Variants in KIF26B observed in about 807,000 individuals in gnomAD.
KIF26B encodes the protein kinesin-like protein KIF26B.
In KIF26B, 63 loss-of-function variants were observed where a neutral mutation model predicts 151.2. The observed-to-expected ratio is 0.42, with a 90% confidence interval of 0.34 to 0.51. The LOEUF (loss-of-function observed/expected upper bound fraction) is 0.51. KIF26B is among the 20% of genes least tolerant of loss of function. The pLI is 0.07. For synonymous variants in KIF26B, 1,357 were observed against 1,262.1 expected, an observed-to-expected ratio of 1.08 and a Z score of -1.59; for missense variants, 2,813 against 2,913.6, an observed-to-expected ratio of 0.97 and a Z score of 0.79.
chr1:245,671,737 G>A (rs974290685), intron 10 of KIF26B, among the ~76,000 whole-genome samples: 1 of 152,206 alleles, frequency 6.6e-6, no homozygotes, highest in African/African-American at 2.4e-5. Context: ...TTTTCTGAAT[G>A]ACAAGGATTA....
chr1:245,192,353 A>C (rs1669125228), intron 2 of KIF26B, among the ~76,000 whole-genome samples: 1 of 152,168 alleles, frequency 6.6e-6, no homozygotes, highest in South Asian at 2.1e-4. Context: ...ACAGGAAAGA[A>C]AAAAAAGGAT....
At chr1:245,303,635 C>G (rs1671484937) in intron 2 of KIF26B, among the ~76,000 whole-genome samples, 1 of 152,168 alleles carries the variant, frequency 6.6e-6, no homozygotes, top group Non-Finnish European at 1.5e-5. Context: ...GCCTGCACAC[C>G]GTAAGACTAT....
chr1:245,619,475 A>G (rs10924257), intron 9 of KIF26B, among the ~76,000 whole-genome samples: 36,737 of 152,074 alleles, frequency 0.24, 5,132 homozygotes, highest in East Asian at 0.45. Flanking sequence ...GCAGGTGCCT[A>G]TAATCCCAGC....
chr1:245,482,938 A>G (rs918603028), intron 4 of KIF26B, among the ~76,000 whole-genome samples: 13 of 151,856 alleles, frequency 8.6e-5, no homozygotes, highest in Admixed American at 8.5e-4. Context: ...CGGCAATACC[A>G]CATTTCATCA....
chr1:245,211,639 C>T (rs1299120927), intron 2 of KIF26B, among the ~76,000 whole-genome samples: 2 of 152,318 alleles, frequency 1.3e-5, no homozygotes, highest in East Asian at 3.9e-4. Context: ...CTCAAGTGAT[C>T]CTCCTGCCTC....
intron 4 of KIF26B, among the ~76,000 whole-genome samples, chr1:245,522,092 A>G (rs1162499782): frequency 1.3e-5 from 2 of 152,040 alleles, no homozygotes; most frequent in African/African-American, 4.8e-5. Context: ...GATGGTCTCG[A>G]TCTCCTGACC....
rs2044572943 is a variant in KIF26B, at chr1:245,688,550, C to T, written c.5567C>T (p.Pro1856Leu). 6.5e-7 allele frequency: 1 copy of T among 1,544,328 alleles called. No individual in the cohort carries two copies. The highest frequency in any genetic ancestry group is 8.7e-7 in the Non-Finnish European group (1 of 1,147,488). ...LLPSPYSKITPPRRPHRCSSG... is the reference protein window; with the variant it reads ...LLPSPYSKITLPRRPHRCSSG... Reference sequence around the variant, plus strand: ...CCGTCGCCCTACAGCAAGATCACGCCCCCGCGGAGGCCCCACCGCTGCAGC... The same window carrying T: ...CCGTCGCCCTACAGCAAGATCACGCTCCCGCGGAGGCCCCACCGCTGCAGC... Residue 1856 changes from proline (P) to leucine (L), a missense_variant, in exon 12 of 15, where the codon CCC becomes CTC. This residue lies in a region of KIF26B where 2,060 missense variants were observed against 2,088.6 expected (regional missense o/e 0.99). Coordinates refer to ENST00000407071, the MANE Select transcript of KIF26B (RefSeq NM_018012.4).
At chr1:245,551,281 G>A (rs913953082) in intron 5 of KIF26B, among the ~76,000 whole-genome samples, 15 of 152,100 alleles carry the variant, frequency 9.9e-5, no homozygotes, top group African/African-American at 3.1e-4. Flanking sequence ...GGGCTCAAGC[G>A]ATCCACCCGC....
At chr1:245,441,432 A>C (rs1317993945) in intron 4 of KIF26B, among the ~76,000 whole-genome samples, 1 of 152,172 alleles carries the variant, frequency 6.6e-6, no homozygotes, top group African/African-American at 2.4e-5. Flanking sequence ...ACTACAAAAA[A>C]GAGTCTCTTC....
Position 245,674,161 on chromosome 1 carries a change from C to T in KIF26B, c.2259-10072C>T, listed in dbSNP as rs540353859. Among the ~76,000 whole-genome samples, 23 of 152,312 alleles carry T rather than the reference C, an allele frequency of 1.5e-4. No individual in the cohort carries two copies. In the South Asian group the frequency reaches 4.8e-3, roughly 32 times the overall value. On this transcript the variant is annotated intron_variant, in intron 10 of 14. Coordinates refer to ENST00000407071, the MANE Select transcript of KIF26B (RefSeq NM_018012.4). ...GTGTAATGGTTATAATGCAACATAA[C>T]TGAGATGTTTCCTTATCCCCCCCAC... is the stretch of plus-strand genomic sequence containing the variant.
intron 2 of KIF26B, among the ~76,000 whole-genome samples, chr1:245,325,164 C>T (rs566450961): frequency 1.3e-5 from 2 of 151,520 alleles, no homozygotes; most frequent in African/African-American, 4.8e-5. Context: ...TCCTTACACA[C>T]ATACCCAGAG....
chr1:245,687,004 C>T lies in KIF26B; in HGVS notation c.4021C>T (p.Leu1341Phe). ...EKPKASPDNL[L>F]ILSEMGDDSF... ...GCCCAAGGCCAGCCCCGACAACTTG[C>T]TCATCCTGTCTGAGATGGGAGATGA... Residue 1341 changes from leucine to phenylalanine, a missense_variant, in exon 12 of 15, where the codon CTC becomes TTC. Physicochemically the swap from Leu to Phe is conservative, Grantham distance 22. Coordinates refer to ENST00000407071, the MANE Select transcript of KIF26B (RefSeq NM_018012.4). This position sits in a 1 kb window ranked among gnomAD's most constrained non-coding sequence, Gnocchi z 4.9. 1.2e-6 allele frequency: 2 copies of T among 1,613,590 alleles called. No homozygotes were observed. The highest frequency in any genetic ancestry group is 1.7e-6 in the Non-Finnish European group (2 of 1,179,830).
chr1:245,317,990 A>G (rs1671811789), intron 2 of KIF26B, among the ~76,000 whole-genome samples: 1 of 152,180 alleles, frequency 6.6e-6, no homozygotes, highest in Non-Finnish European at 1.5e-5. Flanking sequence ...AATGTCTCTA[A>G]CACTACAGGT....
intron 2 of KIF26B, among the ~76,000 whole-genome samples, chr1:245,349,937 T>TA (rs1475466109): frequency 6.6e-6 from 1 of 152,232 alleles, no homozygotes; most frequent in Non-Finnish European, 1.5e-5. Flanking sequence ...AAAACCCATT[T>TA]ACAAGATCAT....
intron 9 of KIF26B, among the ~76,000 whole-genome samples, chr1:245,641,145 T>C (rs938102124): frequency 1.6e-4 from 24 of 152,184 alleles, no homozygotes; most frequent in Admixed American, 1.4e-3. Flanking sequence ...CTTTGAATAA[T>C]ATCATCTCAC....
chr1:245,661,002 T>TC (rs1224139471), intron 10 of KIF26B, among the ~76,000 whole-genome samples: 4 of 151,056 alleles, frequency 2.6e-5, no homozygotes, highest in Non-Finnish European at 5.9e-5. Context: ...TTTTTTTTTT[T>TC]TGGAGACAGA....
chr1:245,314,909 G>A (rs539357918), intron 2 of KIF26B, among the ~76,000 whole-genome samples: 31 of 152,304 alleles, frequency 2.0e-4, no homozygotes, highest in African/African-American at 7.0e-4. Flanking sequence ...GGCCAGGCGC[G>A]GTGGCTCACG....
At chr1:245,200,901 G>A (rs148308895) in intron 2 of KIF26B, among the ~76,000 whole-genome samples, 3 of 152,314 alleles carry the variant, frequency 2.0e-5, no homozygotes, top group African/African-American at 4.8e-5. Context: ...TCCAAAGGGC[G>A]TGAAAGTCAT....
intron 4 of KIF26B, among the ~76,000 whole-genome samples, chr1:245,505,043 A>T (rs1025909309): frequency 6.6e-6 from 1 of 151,130 alleles, no homozygotes; most frequent in Non-Finnish European, 1.5e-5. Flanking sequence ...GGTTCAAGCG[A>T]TTCTCCTGGC....
Sources: gnomAD v4.1 joint callset for allele counts (sites outside exome capture counted in the v4.1 genomes callset) on GRCh38, gnomAD v4.1.1 for gene constraint, gnomAD v4.1.1 regional missense constraint, Gnocchi (gnomAD v3.1) non-coding constraint, MANE v1.5 for transcripts, NCBI Gene and HGNC (gene_info 2026-07-23, HGNC 2026-07-21) for gene names.